Variants in QRSL1 observed in about 807,000 individuals in gnomAD.
QRSL1 encodes the protein glutaminyl-tRNA amidotransferase subunit QRSL1.
QRSL1 carries 54 observed loss-of-function variants against 61.6 expected under a neutral mutation model. The observed-to-expected ratio is 0.88, with a 90% confidence interval of 0.70 to 1.10. QRSL1 has a LOEUF of 1.10. QRSL1 is among the 50% of genes least tolerant of loss of function. The pLI is 0.00. For synonymous variants in QRSL1, 228 were observed against 225.7 expected (o/e 1.01, Z -0.09); for missense variants, 505 against 622.6 (o/e 0.81, Z 2.01).
intron 5 of QRSL1, among the ~76,000 whole-genome samples, chr6:106,650,421 C>G (rs1218361128): frequency 6.6e-6 from 1 of 152,194 alleles, no homozygotes; most frequent in Non-Finnish European, 1.5e-5. Flanking sequence ...GAGCATTGTT[C>G]AGTCCAAAGC....
In QRSL1 at chr6:106,640,845, T is replaced by C; in HGVS notation, c.207T>C (p.Asp69=). The change falls in exon 3 of 11, where the codon GAT becomes GAC. Residue 69 remains aspartate (D), a synonymous_variant. Coordinates refer to ENST00000369046, the MANE Select transcript of QRSL1 (RefSeq NM_018292.5). Reference sequence around the variant, plus strand: ...CAGGACAGTCACTTGGGGATTTAGATGGAATTCCTATTGCAGTAAAAGACA... The same window carrying C: ...CAGGACAGTCACTTGGGGATTTAGACGGAATTCCTATTGCAGTAAAAGACA... ...YKNGQSLGDL[D]GIPIAVKDNF... The C allele has an allele frequency of 6.2e-7, 1 of 1,613,734 alleles. No individual in the cohort carries two copies. Among genetic ancestry groups the C allele is most frequent in the Non-Finnish European group, 8.5e-7 (1 of 1,179,814 alleles).
intron 4 of QRSL1, among the ~76,000 whole-genome samples, chr6:106,647,786 G>A (rs1368139226): frequency 1.4e-5 from 2 of 146,126 alleles, no homozygotes; most frequent in African/African-American, 2.5e-5. Flanking sequence ...GAGTAGCTGG[G>A]ACTACAGGCG....
At chr6:106,646,119 T>C (rs977592475) in intron 4 of QRSL1, among the ~76,000 whole-genome samples, 26 of 152,334 alleles carry the variant, frequency 1.7e-4, no homozygotes, top group African/African-American at 5.8e-4. Flanking sequence ...CTCTGTTTCA[T>C]AGAAACAAGA....
chr6:106,658,093 T>C (rs534082251), intron 9 of QRSL1, among the ~76,000 whole-genome samples: 1 of 152,326 alleles, frequency 6.6e-6, no homozygotes, highest in East Asian at 1.9e-4. Flanking sequence ...TTGTCCCATC[T>C]GTTCTTTTTT....
chr6:106,652,148 A>T (rs1777195387), intron 5 of QRSL1, 61 bp from the exon 6 acceptor site: 3 of 1,440,844 alleles, frequency 2.1e-6, no homozygotes, highest in East Asian at 2.3e-5. Context: ...TTGAAAGGGT[A>T]GATTCCAAAT....
intron 4 of QRSL1, among the ~76,000 whole-genome samples, chr6:106,644,217 G>A (rs556478609): frequency 6.6e-6 from 1 of 152,128 alleles, no homozygotes; most frequent in East Asian, 1.9e-4. Flanking sequence ...ATATAGACAG[G>A]GTCTCACTGG....
chr6:106,661,963 G>A (rs775169692), intron 9 of QRSL1, among the ~76,000 whole-genome samples: 4 of 151,780 alleles, frequency 2.6e-5, no homozygotes, highest in Non-Finnish European at 4.4e-5. Context: ...CACCCACCTC[G>A]GCCTCCCAAA....
rs374070818 is a variant in QRSL1 at position 106,629,723 on chromosome 6, G to A, written c.24+18G>A. On this transcript the variant is annotated intron_variant, in intron 1 of 10. Coordinates refer to ENST00000369046, the MANE Select transcript of QRSL1 (RefSeq NM_018292.5). Reference sequence around the variant, plus strand: ...TCCGAGAAGTGAGTGGAATTGGCCCGCTGAGGCCCCCGGGAGGGCGGAAAG... The same window carrying A: ...TCCGAGAAGTGAGTGGAATTGGCCCACTGAGGCCCCCGGGAGGGCGGAAAG... The A allele has an allele frequency of 1.8e-5, 29 of 1,600,878 alleles. No homozygotes were observed. The highest frequency in any genetic ancestry group is 2.3e-5 in the Non-Finnish European group (27 of 1,174,420).
At chr6:106,661,843 C>T (rs1404456441) in intron 9 of QRSL1, among the ~76,000 whole-genome samples, 1 of 151,730 alleles carries the variant, frequency 6.6e-6, no homozygotes, top group African/African-American at 2.4e-5. Context: ...TCCTGAGTAG[C>T]TGGGATTACA....
At chr6:106,640,094 T>A (rs963712528) in intron 1 of QRSL1, 3 of 335,162 alleles carry the variant, frequency 9.0e-6, no homozygotes, top group Admixed American at 4.5e-5. Context: ...TGCCGTTGTT[T>A]GTACAGCCTG....
In QRSL1 at chr6:106,667,243, C is replaced by T. The variant is rs1427006763; in HGVS notation, c.*1241C>T. The T allele has an allele frequency of 6.6e-6, 1 of 152,196 alleles. No homozygotes were observed. Among genetic ancestry groups the T allele is most frequent in the Non-Finnish European group, 1.5e-5 (1 of 68,040 alleles). The allele number at this position is 152,196 out of a possible 1,614,324, so 9.4% of individuals were successfully genotyped here. ...GGGGATGCGCATGGCAAGAACTTGC[C>T]TTACCCCAGATTCTCTATATCTCAT... On this transcript the variant is annotated 3_prime_UTR_variant, in exon 11 of 11. Coordinates refer to ENST00000369046, the MANE Select transcript of QRSL1 (RefSeq NM_018292.5).
In QRSL1 at chr6:106,652,235, C is replaced by A; in HGVS notation, c.584C>A (p.Ser195Ter). 1 of 1,613,932 alleles carries A rather than the reference C, an allele frequency of 6.2e-7. No individual in the cohort carries two copies. The highest frequency in any genetic ancestry group is 8.5e-7 in the Non-Finnish European group (1 of 1,179,898). Residue 195 changes from serine to a stop codon, truncating the protein, a stop_gained, in exon 6 of 11, where the codon TCG (serine) becomes TAG (stop). Transcript: ENST00000369046. LOFTEE classifies it high-confidence loss of function. Reference protein sequence around the residue: ...YAALGSDTGGSTRNPAAHCGL... With the variant: ...YAALGSDTGG Reference sequence around the variant, plus strand: ...GCTTTAGGATCAGATACAGGAGGATCGACCAGAAATCCTGCTGCCCACTGT... The same window carrying A: ...GCTTTAGGATCAGATACAGGAGGATAGACCAGAAATCCTGCTGCCCACTGT...
chr6:106,640,573 C>G, intron 2 of QRSL1, 65 bp downstream of exon 2: 1 of 1,358,400 alleles, frequency 7.4e-7, no homozygotes, highest in East Asian at 2.4e-5. Flanking sequence ...TTGTAGCAGT[C>G]TCCATTTGGC....
chr6:106,642,743 A>G (rs917864537), intron 3 of QRSL1: 7 of 736,884 alleles, frequency 9.5e-6, no homozygotes, highest in Admixed American at 3.7e-5. Context: ...TAAGTACTGT[A>G]AGAGCCGAGA....
At chr6:106,642,347 C>T (rs112184735) in intron 3 of QRSL1, 27,662 of 348,710 alleles carry the variant, frequency 0.079, 1,609 homozygotes, top group African/African-American at 0.19. Context: ...TGAGCCACCC[C>T]GCCCCGCCGA....
Position 106,640,280 on chromosome 6 carries a change from C to T in QRSL1, c.25-69C>T, listed in dbSNP as rs1776997204. On this transcript the variant is annotated intron_variant, in intron 1 of 10. Transcript: ENST00000369046. The stretch of plus-strand genomic sequence containing the variant: ...TACTTAGCCACTCCATCTCCCCCCA[C>T]CCCCACCAATATAACAATTGAAACT... 1.7e-5 allele frequency: 24 copies of T among 1,396,744 alleles called. 1 individual carries two copies. Among genetic ancestry groups the T allele is most frequent in the South Asian group, 7.3e-5 (6 of 82,552 alleles). The allele number at this position is 1,396,744 out of a possible 1,614,324, so 86.5% of individuals were successfully genotyped here. A position where few individuals can be genotyped will look rare whatever the true frequency, so the allele number is the denominator to read the frequency against.
chr6:106,654,174 C>A (rs1324023820), intron 7 of QRSL1, among the ~76,000 whole-genome samples: 2 of 152,016 alleles, frequency 1.3e-5, no homozygotes, highest in African/African-American at 4.8e-5. Context: ...AGTGAAACCC[C>A]GTCTCTACTA....
chr6:106,640,095 G>T, intron 1 of QRSL1: 1 of 341,060 alleles, frequency 2.9e-6, no homozygotes, highest in Non-Finnish European at 5.4e-6. Flanking sequence ...GCCGTTGTTT[G>T]TACAGCCTGA....
intron 3 of QRSL1, 41 bp from the exon 4 acceptor site, chr6:106,642,953 C>A (rs544932349): frequency 1.5e-5 from 21 of 1,358,818 alleles, no homozygotes; most frequent in Non-Finnish European, 1.8e-5. Context: ...TAAAAGACTT[C>A]TGGACTGTAA....
Sources: gnomAD v4.1 joint callset for allele counts (sites outside exome capture counted in the v4.1 genomes callset) on GRCh38, gnomAD v4.1.1 for gene constraint, MANE v1.5 for transcripts, NCBI Gene and HGNC (gene_info 2026-07-23, HGNC 2026-07-21) for gene names.